Variants in KCNT2 observed in about 807,000 individuals in gnomAD.
KCNT2 encodes potassium sodium-activated channel subfamily T member 2, also known as potassium channel subfamily T member 2.
KCNT2 carries 67 observed loss-of-function variants against 153.8 expected under a neutral mutation model. The observed-to-expected ratio is 0.44, with a 90% confidence interval of 0.36 to 0.53. The LOEUF is 0.53. Among genes scored for constraint, KCNT2 ranks in the 20% least tolerant of loss-of-function variants. KCNT2 has a pLI of 0.00. For missense variants in KCNT2, 975 were observed against 1,354.8 expected (o/e 0.72, Z 4.40); for synonymous variants, 500 against 458.8 (o/e 1.09, Z -1.15).
At chr1:196,297,118 TTC>T (rs971026729) in intron 22 of KCNT2, among the ~76,000 whole-genome samples, 2 of 151,790 alleles carry the variant, frequency 1.3e-5, no homozygotes, top group South Asian at 4.2e-4. Context: ...CTCTCTCTCT[TTC>T]TCTCTCTTTC....
In KCNT2 at chr1:196,307,145, A is replaced by G. The variant is rs991983215; in HGVS notation, c.2484-1800T>C. ...AGTTCTGTGACCTTAAATTCATTAC[A>G]GAAACTCTAAATATCAGATTCTGCA... On this transcript the variant is annotated intron_variant, in intron 21 of 27. Coordinates refer to ENST00000294725, the MANE Select transcript of KCNT2 (RefSeq NM_198503.5). Among the ~76,000 whole-genome samples the G allele has an allele frequency of 2.6e-5, 4 of 152,126 alleles. No homozygotes were observed. In the South Asian group the frequency reaches 6.2e-4, roughly 24 times the overall value.
intron 1 of KCNT2, among the ~76,000 whole-genome samples, chr1:196,519,809 C>T (rs1395284530): frequency 1.3e-5 from 2 of 151,972 alleles, no homozygotes; most frequent in South Asian, 2.1e-4. Flanking sequence ...AAATAGCATA[C>T]CAATACACAA....
chr1:196,593,311 T>TATATATATATATACACAC (rs1256165838), intron 1 of KCNT2, among the ~76,000 whole-genome samples: 2 of 140,202 alleles, frequency 1.4e-5, no homozygotes, highest in African/African-American at 5.6e-5. Context: ...TATATATATA[T>TATATATATATATACACAC]ACACACACAC....
chr1:196,489,761 A>G (rs1217017518), intron 3 of KCNT2, 77 bp downstream of exon 3: 31 of 829,318 alleles, frequency 3.7e-5, no homozygotes, highest in Non-Finnish European at 5.5e-5. Flanking sequence ...TCTACACAAC[A>G]TGCTTTAAAT....
chr1:196,594,700 G>A (rs895207660), intron 1 of KCNT2, among the ~76,000 whole-genome samples: 4 of 152,014 alleles, frequency 2.6e-5, no homozygotes, highest in African/African-American at 9.7e-5. Context: ...TAATAACTCT[G>A]GCACTGCATC....
At chr1:196,251,467 G>A (rs1288089013) in intron 26 of KCNT2, among the ~76,000 whole-genome samples, 1 of 151,944 alleles carries the variant, frequency 6.6e-6, no homozygotes, top group Non-Finnish European at 1.5e-5. Context: ...TGATGGAACT[G>A]GAGGTCATTA....
At chr1:196,233,367 T>C (rs552498685) in intron 27 of KCNT2, among the ~76,000 whole-genome samples, 1 of 151,548 alleles carries the variant, frequency 6.6e-6, no homozygotes, top group South Asian at 2.1e-4. Flanking sequence ...TCACACTTAT[T>C]TGGGGTCAGA....
chr1:196,347,833 G>A (rs186533600), intron 14 of KCNT2, among the ~76,000 whole-genome samples: 2 of 152,104 alleles, frequency 1.3e-5, no homozygotes, highest in African/African-American at 2.4e-5. Flanking sequence ...CTCCTATGGC[G>A]TATCCATTCT....
chr1:196,601,294 T>C (rs535534623), intron 1 of KCNT2, among the ~76,000 whole-genome samples: 111 of 152,350 alleles, frequency 7.3e-4, no homozygotes, highest in Middle Eastern at 3.4e-3. Context: ...TCATCTTCAA[T>C]CATGCTCTCT....
chr1:196,301,736 G>GATTTATTT (rs1009972686), intron 22 of KCNT2, among the ~76,000 whole-genome samples: 2 of 151,970 alleles, frequency 1.3e-5, no homozygotes, highest in Non-Finnish European at 2.9e-5. Flanking sequence ...GTTTATTTCT[G>GATTTATTT]ATTTATTTAT....
intron 1 of KCNT2, among the ~76,000 whole-genome samples, chr1:196,543,816 C>G (rs777767531): frequency 3.9e-5 from 6 of 152,080 alleles, no homozygotes; most frequent in Admixed American, 3.9e-4. Context: ...GGTACAGCCA[C>G]GCTGGAAAAA....
At chr1:196,451,221 T>TTC (rs1676142891) in intron 8 of KCNT2, among the ~76,000 whole-genome samples, 1 of 115,948 alleles carries the variant, frequency 8.6e-6, no homozygotes, top group Non-Finnish European at 1.6e-5. Flanking sequence ...CTCTTTCTTT[T>TTC]TTTTTTTTTT....
chr1:196,313,027 GGAGA>G (rs1159316057), intron 21 of KCNT2, among the ~76,000 whole-genome samples: 3 of 151,578 alleles, frequency 2.0e-5, no homozygotes, highest in Non-Finnish European at 4.4e-5. Flanking sequence ...GAGAGAAAAG[GGAGA>G]GAGTTGAGAT....
chr1:196,292,121 C>G (rs531399276), intron 22 of KCNT2, among the ~76,000 whole-genome samples: 3 of 152,104 alleles, frequency 2.0e-5, no homozygotes, highest in African/African-American at 2.4e-5. Flanking sequence ...TTTACTTTTA[C>G]GAATCAGGCA....
intron 22 of KCNT2, among the ~76,000 whole-genome samples, chr1:196,291,398 G>A (rs1660172232): frequency 6.6e-6 from 1 of 151,834 alleles, no homozygotes; most frequent in Non-Finnish European, 1.5e-5. Flanking sequence ...TTAAAGTTAT[G>A]TAAAAAGTAA....
intron 1 of KCNT2, among the ~76,000 whole-genome samples, chr1:196,567,889 ACT>A (rs1660300968): frequency 6.6e-6 from 1 of 152,102 alleles, no homozygotes; most frequent in Admixed American, 6.6e-5. Context: ...TCAGGATAAC[ACT>A]CTGCCTTTAG....
chr1:196,322,008 A>G (rs933577761), intron 19 of KCNT2, among the ~76,000 whole-genome samples: 2 of 151,978 alleles, frequency 1.3e-5, no homozygotes, highest in African/African-American at 4.8e-5. Flanking sequence ...GGGAAGCATT[A>G]TTATTGAAAA....
chr1:196,369,544 C>T (rs1668336680), intron 14 of KCNT2, among the ~76,000 whole-genome samples: 1 of 144,564 alleles, frequency 6.9e-6, no homozygotes, highest in Admixed American at 7.3e-5. Context: ...TCTCATTGTT[C>T]AATTCCCACC....
chr1:196,555,856 T>C (rs1658583610), intron 1 of KCNT2, among the ~76,000 whole-genome samples: 1 of 151,168 alleles, frequency 6.6e-6, no homozygotes, highest in African/African-American at 2.4e-5. Flanking sequence ...CACATCCCTA[T>C]GGTGATCTCA....
Sources: gnomAD v4.1 joint callset for allele counts (sites outside exome capture counted in the v4.1 genomes callset) on GRCh38, gnomAD v4.1.1 for gene constraint, MANE v1.5 for transcripts, NCBI Gene and HGNC (gene_info 2026-07-23, HGNC 2026-07-21) for gene names.